B4GALT6: variants seen among roughly 807,000 people sequenced by gnomAD.
B4GALT6 encodes beta-1,4-galactosyltransferase 6, also known as UDP-Gal:beta-GlcNAc beta-1,4-galactosyltransferase 6.
B4GALT6 carries 14 observed loss-of-function variants against 46.3 expected under a neutral mutation model. The ratio of observed to expected loss-of-function variants is 0.30; its 90% CI spans 0.20 to 0.47. B4GALT6 has a LOEUF of 0.47. Ranked by LOEUF, B4GALT6 falls within the 20% of genes least tolerant of loss-of-function variation. The probability of loss-of-function intolerance (pLI) is 0.99; values close to 1 mark genes in which losing one functional copy is unlikely to be tolerated. For synonymous variants in B4GALT6, 168 were observed against 162.0 expected, an observed-to-expected ratio of 1.04 and a Z score of -0.28; for missense variants, 386 against 480.1, an observed-to-expected ratio of 0.80 and a Z score of 1.83.
At chr18:31,675,102 G>C (rs1567982582) in intron 1 of B4GALT6, among the ~76,000 whole-genome samples, 2 of 152,162 alleles carry the variant, frequency 1.3e-5, no homozygotes, top group Non-Finnish European at 2.9e-5. Flanking sequence ...AACAACTCAA[G>C]CTTTGCAGAT....
chr18:31,637,138 T>G (rs1377359908), intron 5 of B4GALT6, among the ~76,000 whole-genome samples: 1 of 152,256 alleles, frequency 6.6e-6, no homozygotes. Flanking sequence ...ATATTTACAC[T>G]TTATAGCCTT....
the B4GALT6 span, among the ~76,000 whole-genome samples, chr18:31,697,708 C>A: frequency 3.3e-4 from 51 of 152,258 alleles, no homozygotes; most frequent in African/African-American, 1.2e-3. Flanking sequence ...GATGAGGGGG[C>A]TAGGAACAAA....
chr18:31,637,889 A>G (rs1406819538), intron 5 of B4GALT6, among the ~76,000 whole-genome samples: 1 of 152,228 alleles, frequency 6.6e-6, no homozygotes, highest in Admixed American at 6.5e-5. Flanking sequence ...TCTGTACATG[A>G]GTCTAAATGC....
At chr18:31,652,099 C>G (rs2074078357) in intron 3 of B4GALT6, among the ~76,000 whole-genome samples, 1 of 152,166 alleles carries the variant, frequency 6.6e-6, no homozygotes, top group African/African-American at 2.4e-5. Flanking sequence ...TTCCATGATG[C>G]CTACAACATG....
chr18:31,669,566 C>G (rs2074325743), intron 1 of B4GALT6, among the ~76,000 whole-genome samples: 1 of 152,000 alleles, frequency 6.6e-6, no homozygotes, highest in Non-Finnish European at 1.5e-5. Flanking sequence ...ATGAAAGTAT[C>G]TACAGCAACA....
chr18:31,646,727 A>G (rs1040239706), intron 3 of B4GALT6, among the ~76,000 whole-genome samples: 1 of 152,154 alleles, frequency 6.6e-6, no homozygotes, highest in Non-Finnish European at 1.5e-5. Context: ...CTGCTATTCT[A>G]TATTTTAGGA....
chr18:31,633,467 G>A (rs1317562219), intron 5 of B4GALT6, among the ~76,000 whole-genome samples: 1 of 152,186 alleles, frequency 6.6e-6, no homozygotes, highest in Non-Finnish European at 1.5e-5. Context: ...AGCTGGCATG[G>A]AGAACTGGTC....
chr18:31,720,818 T>G, the B4GALT6 span, among the ~76,000 whole-genome samples: 1 of 152,278 alleles, frequency 6.6e-6, no homozygotes, highest in South Asian at 2.1e-4. Context: ...CCTTCAAAGA[T>G]AATAAGCTTA....
chr18:31,636,567 T>C (rs968383293), intron 5 of B4GALT6, among the ~76,000 whole-genome samples: 3 of 152,168 alleles, frequency 2.0e-5, no homozygotes, highest in Non-Finnish European at 2.9e-5. Flanking sequence ...ACTAAATGGC[T>C]AAAATTAAAA....
intron 1 of B4GALT6, among the ~76,000 whole-genome samples, chr18:31,675,572 C>T (rs991263485): frequency 1.1e-4 from 16 of 152,154 alleles, no homozygotes; most frequent in Admixed American, 4.6e-4. Context: ...CTGTGTAATT[C>T]ACTTAAAATA....
chr18:31,699,461 A>G, the B4GALT6 span, among the ~76,000 whole-genome samples: 1 of 151,746 alleles, frequency 6.6e-6, no homozygotes, highest in Non-Finnish European at 1.5e-5. Context: ...TTTAGTAGAG[A>G]CAGGGTTTCA....
intron 1 of B4GALT6, among the ~76,000 whole-genome samples, chr18:31,676,003 G>C (rs1435849637): frequency 6.6e-6 from 1 of 152,074 alleles, no homozygotes; most frequent in Admixed American, 6.5e-5. Flanking sequence ...AAGGGAACTG[G>C]GTAGGAAATG....
chr18:31,705,228 G>A, the B4GALT6 span, among the ~76,000 whole-genome samples: 27 of 152,240 alleles, frequency 1.8e-4, no homozygotes, highest in African/African-American at 4.8e-4. Context: ...GATAATACAC[G>A]TACTTATACA....
chr18:31,637,604 TG>T (rs1477642830), intron 5 of B4GALT6, among the ~76,000 whole-genome samples: 2 of 152,186 alleles, frequency 1.3e-5, no homozygotes, highest in African/African-American at 4.8e-5. Flanking sequence ...CAGGTGTCTC[TG>T]ATTACCTAAT....
At position 31,638,779 on chromosome 18, in the gene B4GALT6, A is replaced by G. The variant is rs944568897; in HGVS notation, c.472-19T>C. The G allele has an allele frequency of 6.5e-7, 1 of 1,541,698 alleles. No homozygotes were observed. The highest frequency in any genetic ancestry group is 2.2e-5 in the East Asian group (1 of 44,516). ...CTGCCACCTTTAAAACAAAATAGTCATGTATGTAAATAAATATATCTACCA... is the reference window on the plus strand; with the variant it reads ...CTGCCACCTTTAAAACAAAATAGTCGTGTATGTAAATAAATATATCTACCA... On this transcript the variant is annotated intron_variant, in intron 4 of 8. Coordinates refer to ENST00000306851, the MANE Select transcript of B4GALT6 (RefSeq NM_004775.5).
intron 3 of B4GALT6, among the ~76,000 whole-genome samples, chr18:31,649,842 A>G (rs918090727): frequency 6.6e-6 from 1 of 152,254 alleles, no homozygotes; most frequent in Non-Finnish European, 1.5e-5. Context: ...TGTGGAAAGC[A>G]GTTTGGAGAT....
chr18:31,647,829 G>A (rs901313406), intron 3 of B4GALT6, among the ~76,000 whole-genome samples: 2 of 152,160 alleles, frequency 1.3e-5, no homozygotes, highest in Admixed American at 1.3e-4. Flanking sequence ...TAATGATGGT[G>A]TGGTTTCCAA....
At chr18:31,667,702 T>C (rs1598917485) in intron 1 of B4GALT6, among the ~76,000 whole-genome samples, 1 of 152,210 alleles carries the variant, frequency 6.6e-6, no homozygotes, top group African/African-American at 2.4e-5. Flanking sequence ...TTTAAAAGCA[T>C]GTCTACAGGC....
At chr18:31,658,888 C>A (rs532721740) in intron 2 of B4GALT6, among the ~76,000 whole-genome samples, 33 of 152,158 alleles carry the variant, frequency 2.2e-4, no homozygotes, top group African/African-American at 7.9e-4. Flanking sequence ...TAGCTATGAG[C>A]GATTAGAGAT....
Sources: gnomAD v4.1 joint callset for allele counts (sites outside exome capture counted in the v4.1 genomes callset) on GRCh38, gnomAD v4.1.1 for gene constraint, MANE v1.5 for transcripts, NCBI Gene and HGNC (gene_info 2026-07-23, HGNC 2026-07-21) for gene names.